The following LRIF1 variants were observed in gnomAD, a reference collection of about 807,000 sequenced individuals.
LRIF1 encodes ligand-dependent nuclear receptor-interacting factor 1.
Under a neutral mutation model 52.7 loss-of-function variants are expected in LRIF1, and 32 were observed. That is an observed-to-expected ratio of 0.61 (90% confidence interval 0.46 to 0.82). The LOEUF (loss-of-function observed/expected upper bound fraction) is 0.82. Among genes scored for constraint, LRIF1 ranks in the 40% least tolerant of loss-of-function variants. The pLI, the probability that LRIF1 is intolerant of heterozygous loss-of-function variation, is 0.00. For missense variants in LRIF1, 887 were observed against 892.0 expected (o/e 0.99, Z 0.07); for synonymous variants, 323 against 317.4 (o/e 1.02, Z -0.19).
Position 110,952,566 on chromosome 1 carries a change from A to G in LRIF1, c.318T>C (p.Tyr106=). The change falls in exon 2 of 4, where the codon TAT becomes TAC. Residue 106 remains tyrosine, a synonymous_variant. Transcript: ENST00000369763. ...ATGTATCTACTGTTCTTGTAAGAAA[A>G]TAGTTTGAAGAACTGGCTGGCTGAA... ...PIFQPASSSN[Y]FLTRTVDTSE... is the part of the protein sequence containing the mutation. The G allele has an allele frequency of 6.2e-7, 1 of 1,613,996 alleles. No homozygotes were observed.
At chr1:110,934,775 C>CTTTA in the LRIF1 span, among the ~76,000 whole-genome samples, 1 of 152,152 alleles carries the variant, frequency 6.6e-6, no homozygotes, top group Non-Finnish European at 1.5e-5. Flanking sequence ...AACTTTCCAA[C>CTTTA]CTAAAGGGAA....
At chr1:110,894,953 T>C in the LRIF1 span, 1 of 1,609,536 alleles carries the variant, frequency 6.2e-7, no homozygotes, top group South Asian at 1.1e-5. Context: ...GGAATGTGCC[T>C]GCCCAGCTGA....
chr1:110,929,563 CT>C, the LRIF1 span, among the ~76,000 whole-genome samples: 1 of 152,166 alleles, frequency 6.6e-6, no homozygotes, highest in Non-Finnish European at 1.5e-5. Context: ...TGTATGTCTT[CT>C]TTTGAAAAGT....
chr1:110,896,815 C>A, the LRIF1 span: 2 of 1,159,480 alleles, frequency 1.7e-6, no homozygotes, highest in South Asian at 1.4e-5. Context: ...CATAGAGGAC[C>A]TAGACCTTCT....
the LRIF1 span, among the ~76,000 whole-genome samples, chr1:110,904,414 C>G: frequency 6.6e-6 from 1 of 152,134 alleles, no homozygotes; most frequent in Non-Finnish European, 1.5e-5. Flanking sequence ...ACTCCATCCC[C>G]AGGTTTAGAT....
At chr1:110,962,096 A>ACACACACAC (rs1553212108) in intron 1 of LRIF1, among the ~76,000 whole-genome samples, 3 of 151,560 alleles carry the variant, frequency 2.0e-5, no homozygotes, top group African/African-American at 4.8e-5. Flanking sequence ...ACACACACAC[A>ACACACACAC]AAGTAAAGTT....
chr1:110,901,339 G>C, the LRIF1 span, among the ~76,000 whole-genome samples: 2 of 151,748 alleles, frequency 1.3e-5, no homozygotes, highest in African/African-American at 4.8e-5. Context: ...CACCACGCCT[G>C]GCTAATTTTT....
the LRIF1 span, chr1:110,891,311 G>A: frequency 1.0e-6 from 1 of 970,510 alleles, no homozygotes; most frequent in South Asian, 1.3e-5. Flanking sequence ...TAATGCTAGA[G>A]ATCCCTGAAC....
chr1:110,957,185 C>T (rs1302373605), intron 1 of LRIF1, among the ~76,000 whole-genome samples: 4 of 150,852 alleles, frequency 2.7e-5, no homozygotes, highest in Non-Finnish European at 4.4e-5. Context: ...TCGCCAGGTG[C>T]GGTGGCTCAC....
the LRIF1 span, among the ~76,000 whole-genome samples, chr1:110,917,671 C>G: frequency 3.7e-5 from 5 of 136,090 alleles, no homozygotes; most frequent in Non-Finnish European, 7.7e-5. Context: ...GGAGAGAGGT[C>G]AACATAAAAA....
the LRIF1 span, among the ~76,000 whole-genome samples, chr1:110,917,676 T>TA: frequency 1.4e-5 from 2 of 143,882 alleles, no homozygotes; most frequent in African/African-American, 2.6e-5. Context: ...GAGGTCAACA[T>TA]AAAAAAATAG....
the LRIF1 span, among the ~76,000 whole-genome samples, chr1:110,931,149 G>A: frequency 6.6e-6 from 1 of 151,962 alleles, no homozygotes; most frequent in Non-Finnish European, 1.5e-5. Flanking sequence ...CCCAACCCCT[G>A]ACAGGCCCTG....
Position 110,947,896 on chromosome 1 carries a change from A to T in LRIF1, c.*63T>A. 3.3e-6 allele frequency: 5 copies of T among 1,514,552 alleles called. No individual in the cohort carries two copies. Among genetic ancestry groups the T allele is most frequent in the Non-Finnish European group, 4.4e-6 (5 of 1,136,970 alleles). 93.8% of individuals were successfully genotyped at this position (1,514,552 alleles called of 1,614,324 possible). A position where few individuals can be genotyped will look rare whatever the true frequency, so the allele number is the denominator to read the frequency against. ...CACTTTCAGAACACACCTACAATTA[A>T]CTTATTAATGCTGAAGTATATTTTA... On this transcript the variant is annotated 3_prime_UTR_variant, in exon 4 of 4. Transcript: ENST00000369763.
chr1:110,915,300 A>G, the LRIF1 span, among the ~76,000 whole-genome samples: 13 of 151,778 alleles, frequency 8.6e-5, no homozygotes, highest in Admixed American at 8.5e-4. Context: ...CCTGGCTAAC[A>G]CGGTGAAACC....
At chr1:110,885,487 G>T in the LRIF1 span, among the ~76,000 whole-genome samples, 1 of 152,084 alleles carries the variant, frequency 6.6e-6, no homozygotes, top group Non-Finnish European at 1.5e-5. Flanking sequence ...GCAGTGAGCC[G>T]AGATCGCGCC....
At chr1:110,946,545 T>C (rs1658207916), downstream of LRIF1, among the ~76,000 whole-genome samples, 1 of 152,186 alleles carries the variant, frequency 6.6e-6, no homozygotes, top group Non-Finnish European at 1.5e-5. Context: ...AAAATCTAGC[T>C]GATCTGTGTA....
chr1:110,917,644 TTTTG>T, the LRIF1 span, among the ~76,000 whole-genome samples: 53,450 of 138,714 alleles, frequency 0.39, 10,751 homozygotes, highest in African/African-American at 0.59. Context: ...GTTTTTTTGT[TTTTG>T]TTTTTTTTTT....
At chr1:110,914,509 A>C in the LRIF1 span, among the ~76,000 whole-genome samples, 1 of 152,070 alleles carries the variant, frequency 6.6e-6, no homozygotes, top group Non-Finnish European at 1.5e-5. Context: ...TACTGATTAG[A>C]TTGGGAGGCT....
the LRIF1 span, among the ~76,000 whole-genome samples, chr1:110,909,391 T>C: frequency 6.6e-6 from 1 of 152,104 alleles, no homozygotes; most frequent in Admixed American, 6.5e-5. Flanking sequence ...TAACTTTGAA[T>C]GTAAATGGGC....
Sources: gnomAD v4.1 joint callset for allele counts (sites outside exome capture counted in the v4.1 genomes callset) on GRCh38, gnomAD v4.1.1 for gene constraint, MANE v1.5 for transcripts, NCBI Gene and HGNC (gene_info 2026-07-23, HGNC 2026-07-21) for gene names.